The following CFAP70 variants were observed in gnomAD, a reference collection of about 807,000 sequenced individuals.
CFAP70 encodes the protein cilia and flagella associated protein 70.
In CFAP70, 81 loss-of-function variants were observed where a neutral mutation model predicts 137.6. The ratio of observed to expected loss-of-function variants is 0.59; its 90% CI spans 0.49 to 0.71. CFAP70 has a LOEUF of 0.71. CFAP70 is among the 30% of genes least tolerant of loss of function. The probability of loss-of-function intolerance (pLI) is 0.00; values close to 1 mark genes in which losing one functional copy is unlikely to be tolerated. For synonymous variants in CFAP70, 382 were observed against 423.6 expected (o/e 0.90, Z 1.20); for missense variants, 976 against 1,226.7 (o/e 0.80, Z 3.05).
chr10:73,318,288 T>C (rs573151502), intron 9 of CFAP70, among the ~76,000 whole-genome samples: 1 of 152,346 alleles, frequency 6.6e-6, no homozygotes, highest in African/African-American at 2.4e-5. Flanking sequence ...TGTGGGGAGA[T>C]GATTTGTCAA....
intron 5 of CFAP70, among the ~76,000 whole-genome samples, chr10:73,344,688 C>T (rs2053561600): frequency 6.6e-6 from 1 of 152,150 alleles, no homozygotes; most frequent in Admixed American, 6.5e-5. Flanking sequence ...CATTCCTATA[C>T]CTAGAAATTT....
In CFAP70 at chr10:73,274,691, A is replaced by G. The variant is rs2046563206; in HGVS notation, c.2674-97T>C. 4 of 1,142,406 alleles carry G rather than the reference A, an allele frequency of 3.5e-6. No individual in the cohort carries two copies. In the East Asian group the frequency reaches 1.1e-4, roughly 31 times the overall value. The allele number at this position is 1,142,406 out of a possible 1,614,324, so 70.8% of individuals were successfully genotyped here. A position where few individuals can be genotyped will look rare whatever the true frequency, so the allele number is the denominator to read the frequency against. ...ACATTTAAATTTAGATAGATTGTCCATTTCCTTTCTCTTTTCTTTTTCAGA... is the reference window on the plus strand; with the variant it reads ...ACATTTAAATTTAGATAGATTGTCCGTTTCCTTTCTCTTTTCTTTTTCAGA... On this transcript the variant is annotated intron_variant, in intron 22 of 26. Transcript: ENST00000310715.
At chr10:73,285,693 G>T (rs1036507725) in intron 19 of CFAP70, among the ~76,000 whole-genome samples, 7 of 148,382 alleles carry the variant, frequency 4.7e-5, no homozygotes. Flanking sequence ...GGAGTGCAGT[G>T]GCACCGTGTC....
At chr10:73,274,865 C>T (rs1435056176) in intron 22 of CFAP70, 1 of 424,058 alleles carries the variant, frequency 2.4e-6, no homozygotes, top group Non-Finnish European at 4.2e-6. Flanking sequence ...AACATTCAAG[C>T]ATAACCCCAA....
chr10:73,328,791 T>C (rs1403533331), intron 8 of CFAP70, among the ~76,000 whole-genome samples: 1 of 150,968 alleles, frequency 6.6e-6, no homozygotes, highest in Non-Finnish European at 1.5e-5. Flanking sequence ...CACAATGAGA[T>C]ACCATCTCAC....
intron 9 of CFAP70, among the ~76,000 whole-genome samples, chr10:73,320,468 A>C (rs1362730799): frequency 6.6e-6 from 1 of 151,652 alleles, no homozygotes; most frequent in Non-Finnish European, 1.5e-5. Flanking sequence ...GGACTACAGG[A>C]ATGTGCCACC....
intron 19 of CFAP70, among the ~76,000 whole-genome samples, chr10:73,279,523 CAATAAATA>C (rs35709122): frequency 0.017 from 2,247 of 129,380 alleles, 33 homozygotes; most frequent in African/African-American, 0.042. Context: ...GACTCTGTCT[CAATAAATA>C]AATAAATAAA....
chr10:73,327,292 T>G (rs892882395), intron 8 of CFAP70, among the ~76,000 whole-genome samples: 58 of 150,332 alleles, frequency 3.9e-4, no homozygotes, highest in African/African-American at 1.2e-3. Flanking sequence ...CAACAACCCT[T>G]CATGCTAAAA....
In CFAP70 at chr10:73,311,825, C is replaced by A; in HGVS notation, c.1164+9G>T. The A allele has an allele frequency of 6.2e-7, 1 of 1,606,326 alleles. No homozygotes were observed. Among genetic ancestry groups the A allele is most frequent in the South Asian group, 1.1e-5 (1 of 90,472 alleles). On this transcript the variant is annotated intron_variant, in intron 11 of 26. Coordinates refer to ENST00000310715, the Ensembl canonical transcript of CFAP70. ...TAAACTTAATTTTCCAAACTTCATG[C>A]ACAATTACCTGTCCTTCAGGATTGT...
intron 6 of CFAP70, among the ~76,000 whole-genome samples, chr10:73,340,711 T>G (rs2053169734): frequency 6.6e-6 from 1 of 152,200 alleles, no homozygotes; most frequent in Non-Finnish European, 1.5e-5. Context: ...GGGGTTGGTG[T>G]GTCAGCACTT....
chr10:73,306,045 T>C lies in CFAP70; in HGVS notation c.1256+4113A>G, dbSNP rs147861091. On this transcript the variant is annotated intron_variant, in intron 12 of 26. Transcript: ENST00000310715. Reference sequence around the variant, plus strand: ...GAGCTTAAAAGTACAATATTTGGAATAAAAAATTCACTAAAGGGTTCAACA... The same window carrying C: ...GAGCTTAAAAGTACAATATTTGGAACAAAAAATTCACTAAAGGGTTCAACA... Among the ~76,000 whole-genome samples, 349 of 152,022 alleles carry C rather than the reference T, an allele frequency of 2.3e-3. 1 individual carries two copies. Among genetic ancestry groups the C allele is most frequent in the African/African-American group, 8.2e-3 (341 of 41,496 alleles).
chr10:73,340,976 G>A (rs932895669), intron 6 of CFAP70, among the ~76,000 whole-genome samples: 2 of 152,196 alleles, frequency 1.3e-5, no homozygotes, highest in African/African-American at 4.8e-5. Flanking sequence ...CATGGAGCGT[G>A]TAGGCCCAGT....
At chr10:73,280,139 A>C (rs1427696093) in intron 19 of CFAP70, among the ~76,000 whole-genome samples, 1 of 152,120 alleles carries the variant, frequency 6.6e-6, no homozygotes, top group Non-Finnish European at 1.5e-5. Context: ...TCTTTTCTAT[A>C]TGTTGCTGAA....
At chr10:73,335,771 C>T (rs1485019199) in intron 6 of CFAP70, among the ~76,000 whole-genome samples, 1 of 151,300 alleles carries the variant, frequency 6.6e-6, no homozygotes, top group Non-Finnish European at 1.5e-5. Context: ...GATCCAAATA[C>T]TGACTAACAA....
chr10:73,361,293 CTTTTTTT>C (rs577780984), upstream of CFAP70, among the ~76,000 whole-genome samples: 2 of 128,376 alleles, frequency 1.6e-5, no homozygotes, highest in Admixed American at 1.6e-4. Flanking sequence ...CATGCCCGGC[CTTTTTTT>C]TTTTTTTTTT....
At position 73,299,588 on chromosome 10, in the gene CFAP70, T is replaced by C. The variant is rs1454581156; in HGVS notation, c.1317+17A>G. On this transcript the variant is annotated intron_variant, in intron 13 of 26. Transcript: ENST00000310715. ...ATATCTTATTACTTATCATTTCAAC[T>C]TGGCTTTGGCACTTGCCTTCTGAGC... 1 of 1,609,980 alleles carries C rather than the reference T, an allele frequency of 6.2e-7. No individual in the cohort carries two copies. The highest frequency in any genetic ancestry group is 8.5e-7 in the Non-Finnish European group (1 of 1,176,630).
chr10:73,311,027 T>G (rs1428348741), intron 11 of CFAP70, among the ~76,000 whole-genome samples: 1 of 152,152 alleles, frequency 6.6e-6, no homozygotes, highest in African/African-American at 2.4e-5. Flanking sequence ...ACACATGAGG[T>G]CTTATTTCTA....
chr10:73,284,803 T>TAA (rs1415708084), intron 19 of CFAP70, among the ~76,000 whole-genome samples: 22 of 94,650 alleles, frequency 2.3e-4, no homozygotes, highest in Non-Finnish European at 3.2e-4. Context: ...TATATATATA[T>TAA]AAAAGTTGTT....
chr10:73,289,936 T>C (rs2048041334), intron 19 of CFAP70, among the ~76,000 whole-genome samples: 1 of 151,650 alleles, frequency 6.6e-6, no homozygotes, highest in South Asian at 2.1e-4. Flanking sequence ...CTCCAGCTAC[T>C]TGGAAGGCTG....
Sources: allele counts gnomAD v4.1 joint callset (sites outside exome capture counted in the v4.1 genomes callset), GRCh38; gene constraint gnomAD v4.1.1; transcripts MANE v1.5; gene names NCBI Gene and HGNC (gene_info 2026-07-23, HGNC 2026-07-21).